Variants in ATP2B3 observed in about 807,000 individuals in gnomAD.
ATP2B3 encodes plasma membrane calcium-transporting ATPase 3.
A neutral mutation model predicts 70.8 loss-of-function variants in ATP2B3; 12 were observed. The observed-to-expected ratio is 0.17, with a 90% CI of 0.11 to 0.27. The LOEUF (loss-of-function observed/expected upper bound fraction) is 0.27. ATP2B3 is among the 10% of genes least tolerant of loss of function. The probability of loss-of-function intolerance (pLI) is 1.00; values close to 1 mark genes in which losing one functional copy is unlikely to be tolerated. For synonymous variants in ATP2B3, 460 were observed against 497.8 expected, an observed-to-expected ratio of 0.92 and a Z score of 1.01; for missense variants, 858 against 1,118.5, an observed-to-expected ratio of 0.77 and a Z score of 3.32.
rs1298593084 is a variant in ATP2B3 at position 153,517,831 on chromosome X, G to C, written c.-291G>C. 1.8e-5 allele frequency: 2 copies of C among 109,330 alleles called. No individual in the cohort carries two copies. Among genetic ancestry groups the C allele is most frequent in the African/African-American group, 6.5e-5 (2 of 30,581 alleles). The allele number at this position is 109,330 out of a possible 1,213,427, so 9.0% of individuals were successfully genotyped here. ...CCTGACGCCCGCCCGCAGCGACAGC[G>C]CCCGCCGGAGCCGAGGCCGCGGCGG... On this transcript the variant is annotated 5_prime_UTR_variant, in exon 1 of 22. Coordinates refer to ENST00000263519, the MANE Select transcript of ATP2B3 (RefSeq NM_001001344.3).
At chrX:153,572,080 A>C (rs1301476747) in intron 21 of ATP2B3, among the ~76,000 whole-genome samples, 1 of 112,871 alleles carries the variant, frequency 8.9e-6, no homozygotes, top group African/African-American at 3.2e-5. Context: ...GATCAGGGGA[A>C]GGAGGTTGTC....
rs376277138 is a variant in ATP2B3, at chrX:153,553,190, A to T, written c.1979A>T (p.Asp660Val). ...GACTTCTCTGCAGGCCAGGAGCCCG[A>T]CTGGGACAACGAGAATGAGGTCGTG... is the stretch of plus-strand genomic sequence containing the variant. ...YRDFSAGQEP[D>V]WDNENEVVGD... Residue 660 changes from aspartate to valine, a missense_variant, in exon 13 of 22, where the codon GAC becomes GTC. By Grantham distance (152) the Asp-to-Val change is radical. Transcript: ENST00000263519. The T allele has an allele frequency of 3.3e-6, 4 of 1,211,781 alleles. No homozygotes were observed. The highest frequency in any genetic ancestry group is 4.5e-6 in the Non-Finnish European group (4 of 895,453).
At chrX:153,575,229 G>A (rs2090840708) in intron 21 of ATP2B3, among the ~76,000 whole-genome samples, 3 of 112,945 alleles carry the variant, frequency 2.7e-5, no homozygotes, top group South Asian at 7.3e-4. Flanking sequence ...AGCCGTGTGG[G>A]CCCCAGACAT....
At chrX:153,577,274 G>A (rs2090869680) in intron 21 of ATP2B3, among the ~76,000 whole-genome samples, 1 of 112,798 alleles carries the variant, frequency 8.9e-6, no homozygotes, top group Non-Finnish European at 1.9e-5. Context: ...CTGGCTCCGT[G>A]GCCTGGCTGT....
intron 21 of ATP2B3, among the ~76,000 whole-genome samples, chrX:153,576,882 G>A (rs994809107): frequency 8.0e-5 from 9 of 112,146 alleles, no homozygotes; most frequent in African/African-American, 2.9e-4. Context: ...CCCAGGAATC[G>A]ACTGCATCCT....
At chrX:153,526,081 T>A (rs1267205769) in intron 2 of ATP2B3, among the ~76,000 whole-genome samples, 1 of 112,267 alleles carries the variant, frequency 8.9e-6, no homozygotes, top group East Asian at 2.8e-4. Flanking sequence ...GGAGGGGGTA[T>A]CTGAGATGGA....
intron 2 of ATP2B3, among the ~76,000 whole-genome samples, chrX:153,528,997 C>T (rs192241871): frequency 1.3e-3 from 142 of 112,382 alleles, no homozygotes; most frequent in African/African-American, 4.4e-3. Flanking sequence ...TAAAACATGA[C>T]GTAGGAGGTG....
intron 21 of ATP2B3, among the ~76,000 whole-genome samples, chrX:153,565,639 C>T (rs782431932): frequency 2.7e-4 from 30 of 112,612 alleles, no homozygotes; most frequent in African/African-American, 9.0e-4. Context: ...AGACCAAGGG[C>T]GTCAGCTGTG....
rs782256298 is a variant in ATP2B3 at position 153,547,986 on chromosome X, G to C, written c.1110G>C (p.Gln370His). 5.0e-6 allele frequency: 6 copies of C among 1,203,090 alleles called. No homozygotes were observed. In the East Asian group the frequency reaches 8.9e-5, roughly 18 times the overall value. ...LQGKLTKLAV[Q>H]IGKAGLVMSA... ...GGAAGCTCACAAAGCTAGCCGTGCA[G>C]ATCGGGAAAGCAGGTAGGGACAGCA... The change falls in exon 9 of 22, where the codon CAG (glutamine) becomes CAC (histidine). Residue 370 changes from glutamine (Q) to histidine (H), a missense_variant. Transcript: ENST00000263519.
At chrX:153,546,207 A>C in intron 8 of ATP2B3, 78 bp downstream of exon 8, 2 of 1,129,209 alleles carry the variant, frequency 1.8e-6, no homozygotes, top group Non-Finnish European at 2.4e-6. Flanking sequence ...GTGTTGGGGG[A>C]GGTTCACCTG....
chrX:153,557,838 G>C (rs1249345519), intron 16 of ATP2B3, among the ~76,000 whole-genome samples: 1 of 106,189 alleles, frequency 9.4e-6, no homozygotes, highest in African/African-American at 3.4e-5. Flanking sequence ...GTGTAAAGCT[G>C]TGTTGATGCC....
chrX:153,548,048 G>A (rs2090396988), intron 9 of ATP2B3, 49 bp downstream of exon 9: 1 of 1,161,114 alleles, frequency 8.6e-7, no homozygotes, highest in Non-Finnish European at 1.2e-6. Context: ...TGGGCGTGGA[G>A]GATGCTGGGC....
intron 18 of ATP2B3, 64 bp from the exon 19 acceptor site, chrX:153,560,612 C>A: frequency 8.8e-7 from 1 of 1,136,074 alleles, no homozygotes; most frequent in South Asian, 1.9e-5. Flanking sequence ...ACCGAAGTCT[C>A]GCTCCTGAGT....
At position 153,560,788 on chromosome X, in the gene ATP2B3, G is replaced by A. The variant is rs914279230; in HGVS notation, c.2952G>A (p.Glu984=). Reference sequence around the variant, plus strand: ...TCGTCATGATGCAGCTCTTTAACGAGATCAACGCCCGCAAGATCCACGGCG... The same window carrying A: ...TCGTCATGATGCAGCTCTTTAACGAAATCAACGCCCGCAAGATCCACGGCG... ...NTFVMMQLFN[E]INARKIHGER... is the part of the protein sequence containing the mutation. The change falls in exon 19 of 22, where the codon GAG becomes GAA. Residue 984 remains glutamate, a synonymous_variant. Coordinates refer to ENST00000263519, the MANE Select transcript of ATP2B3 (RefSeq NM_001001344.3). The A allele has an allele frequency of 1.7e-6, 2 of 1,210,449 alleles. No individual in the cohort carries two copies. The highest frequency in any genetic ancestry group is 2.2e-5 in the Admixed American group (1 of 45,831).
chrX:153,562,245 G>A lies in ATP2B3; in HGVS notation c.3159+3G>A. 1 of 1,202,060 alleles carries A rather than the reference G, an allele frequency of 8.3e-7. No homozygotes were observed. The highest frequency in any genetic ancestry group is 1.1e-6 in the Non-Finnish European group (1 of 887,509). On this transcript the variant is annotated splice_donor_region_variant and intron_variant, in intron 20 of 21. Transcript: ENST00000263519. ...TTGGGGAGCTGGTCTGGGGACAGGT[G>A]AGTGACAGCCCTGCCCCTCATTTCA...
intron 21 of ATP2B3, among the ~76,000 whole-genome samples, chrX:153,565,909 G>A (rs2090700944): frequency 8.9e-6 from 1 of 112,541 alleles, no homozygotes; most frequent in Non-Finnish European, 1.9e-5. Context: ...TCCCTGCATC[G>A]TTCCTGCCTG....
intron 7 of ATP2B3, 99 bp from the exon 8 acceptor site, chrX:153,545,989 C>A: frequency 1.0e-6 from 1 of 958,827 alleles, no homozygotes; most frequent in Non-Finnish European, 1.5e-6. Context: ...ATGAAGAAGG[C>A]CACCAGCAAT....
chrX:153,538,557 G>C (rs2090229884), intron 3 of ATP2B3, among the ~76,000 whole-genome samples: 1 of 113,034 alleles, frequency 8.8e-6, no homozygotes, highest in Non-Finnish European at 1.9e-5. Flanking sequence ...GCCCCTCTGG[G>C]CTCCACAGGC....
intron 2 of ATP2B3, among the ~76,000 whole-genome samples, chrX:153,525,102 AAC>A (rs1451328633): frequency 8.9e-6 from 1 of 112,163 alleles, no homozygotes; most frequent in African/African-American, 3.2e-5. Context: ...CTGACTGAGA[AAC>A]ACGAAAACAA....
Sources: allele counts gnomAD v4.1 joint callset (sites outside exome capture counted in the v4.1 genomes callset), GRCh38; gene constraint gnomAD v4.1.1; transcripts MANE v1.5; gene names NCBI Gene and HGNC (gene_info 2026-07-23, HGNC 2026-07-21).